The following IL34 variants were observed in gnomAD, a reference collection of about 807,000 sequenced individuals.
IL34 encodes interleukin 34, also known as interleukin-34.
IL34 carries 17 observed loss-of-function variants against 25.3 expected under a neutral mutation model. The ratio of observed to expected loss-of-function variants is 0.67; its 90% CI spans 0.46 to 1.01. IL34 has a LOEUF of 1.01. Among genes scored for constraint, IL34 ranks in the 50% least tolerant of loss-of-function variants. The pLI, the probability that IL34 is intolerant of heterozygous loss-of-function variation, is 0.00. For missense variants in IL34, 368 were observed against 312.9 expected, an observed-to-expected ratio of 1.18 and a Z score of -1.33; for synonymous variants, 174 against 140.9, an observed-to-expected ratio of 1.23 and a Z score of -1.66.
At chr16:70,657,613 A>G (rs933420654) in intron 4 of IL34, among the ~76,000 whole-genome samples, 1 of 152,090 alleles carries the variant, frequency 6.6e-6, no homozygotes, top group Admixed American at 6.6e-5. Flanking sequence ...CGTCTCTACT[A>G]AAAATACAAA....
At chr16:70,604,362 C>T (rs1364216659) in intron 1 of IL34, among the ~76,000 whole-genome samples, 1 of 152,140 alleles carries the variant, frequency 6.6e-6, no homozygotes. Flanking sequence ...CACCACTGGC[C>T]CCATCGAATT....
At chr16:70,597,029 A>G (rs148370508) in intron 1 of IL34, among the ~76,000 whole-genome samples, 166 of 152,252 alleles carry the variant, frequency 1.1e-3, no homozygotes, top group Non-Finnish European at 1.8e-3. Flanking sequence ...ACCTGTTTGT[A>G]TGTGGATCAC....
Position 70,624,736 on chromosome 16 carries a change from A to C in IL34, c.-400-21812A>C, listed in dbSNP as rs550195961. Among the ~76,000 whole-genome samples the C allele has an allele frequency of 4.1e-4, 63 of 152,152 alleles. 1 individual carries two copies. Among genetic ancestry groups the C allele is most frequent in the South Asian group, 1.2e-3 (6 of 4,826 alleles). Reference sequence around the variant, plus strand: ...AGGGCTAGTCACTGAACGAAACTATAAGCCAGACAGGGTGTGAGGAGGGGA... The same window carrying C: ...AGGGCTAGTCACTGAACGAAACTATCAGCCAGACAGGGTGTGAGGAGGGGA... On this transcript the variant is annotated intron_variant, in intron 1 of 6. Transcript: ENST00000429149.
At chr16:70,592,694 G>A (rs944110941) in intron 1 of IL34, among the ~76,000 whole-genome samples, 4 of 151,796 alleles carry the variant, frequency 2.6e-5, no homozygotes, top group South Asian at 2.1e-4. Context: ...TCACTCTGTC[G>A]TCCAGGCTGG....
chr16:70,588,962 T>C (rs1179860085), intron 1 of IL34, among the ~76,000 whole-genome samples: 3 of 151,986 alleles, frequency 2.0e-5, no homozygotes, highest in Admixed American at 6.6e-5. Context: ...GTTCTGGAAA[T>C]GGATGGTGGT....
At chr16:70,647,760 G>T (rs565405382) in intron 1 of IL34, among the ~76,000 whole-genome samples, 1 of 152,354 alleles carries the variant, frequency 6.6e-6, no homozygotes, top group South Asian at 2.1e-4. Flanking sequence ...GCCTGCGAGG[G>T]ATTGAAAGAA....
intron 1 of IL34, among the ~76,000 whole-genome samples, chr16:70,618,699 T>C (rs556261924): frequency 6.6e-6 from 1 of 152,206 alleles, no homozygotes; most frequent in African/African-American, 2.4e-5. Context: ...AAGGAATTGT[T>C]TTGTAGAAGG....
At chr16:70,653,771 C>G (rs957970786) in intron 1 of IL34, among the ~76,000 whole-genome samples, 10 of 152,084 alleles carry the variant, frequency 6.6e-5, no homozygotes, top group Admixed American at 5.2e-4. Context: ...TAGTTGCTGG[C>G]CTACTTCTGT....
At chr16:70,598,745 T>TA (rs1208473001) in intron 1 of IL34, among the ~76,000 whole-genome samples, 2 of 151,996 alleles carry the variant, frequency 1.3e-5, no homozygotes, top group African/African-American at 2.4e-5. Flanking sequence ...TCCATAAAAT[T>TA]AAAAAAAGAA....
intron 1 of IL34, among the ~76,000 whole-genome samples, chr16:70,593,835 A>AT (rs1232123959): frequency 6.6e-6 from 1 of 151,898 alleles, no homozygotes; most frequent in African/African-American, 2.4e-5. Context: ...CAATATCTAG[A>AT]TTTTTTTCTT....
intron 1 of IL34, among the ~76,000 whole-genome samples, chr16:70,626,747 G>A (rs1458808036): frequency 6.6e-6 from 1 of 152,058 alleles, no homozygotes; most frequent in African/African-American, 2.4e-5. Flanking sequence ...TTCAAATTTT[G>A]ATCCTTTTGG....
chr16:70,632,183 C>T (rs1024554013), intron 1 of IL34, among the ~76,000 whole-genome samples: 1 of 151,792 alleles, frequency 6.6e-6, no homozygotes, highest in African/African-American at 2.4e-5. Flanking sequence ...TTGAAAGTTC[C>T]TTGGGACATG....
chr16:70,624,397 T>A (rs34495668), intron 1 of IL34, among the ~76,000 whole-genome samples: 1 of 152,006 alleles, frequency 6.6e-6, no homozygotes, highest in African/African-American at 2.4e-5. Context: ...ACCTTGAAGG[T>A]GAGGTTAATT....
chr16:70,625,407 G>A (rs1423876726), intron 1 of IL34, among the ~76,000 whole-genome samples: 1 of 152,096 alleles, frequency 6.6e-6, no homozygotes, highest in African/African-American at 2.4e-5. Flanking sequence ...AGGGATTGGG[G>A]GTTCTTGCCC....
chr16:70,644,828 AAGG>A (rs769184162), upstream of IL34, among the ~76,000 whole-genome samples: 16 of 136,176 alleles, frequency 1.2e-4, no homozygotes, highest in Admixed American at 5.2e-4. Flanking sequence ...AGGGAGGAGG[AAGG>A]AGGAAGAGGA....
intron 1 of IL34, among the ~76,000 whole-genome samples, chr16:70,638,455 A>G (rs1207563571): frequency 1.3e-5 from 2 of 151,950 alleles, no homozygotes; most frequent in Admixed American, 6.6e-5. Context: ...ATAAAGAAAA[A>G]AGAAAAAAAG....
At chr16:70,592,945 G>A (rs886120644) in intron 1 of IL34, among the ~76,000 whole-genome samples, 4 of 152,132 alleles carry the variant, frequency 2.6e-5, no homozygotes, top group Non-Finnish European at 5.9e-5. Flanking sequence ...GAGCCACCGT[G>A]CCGGCCCTAT....
upstream of IL34, among the ~76,000 whole-genome samples, chr16:70,642,862 G>A (rs1182779003): frequency 6.8e-6 from 1 of 147,740 alleles, no homozygotes; most frequent in Non-Finnish European, 1.5e-5. Context: ...GAAATGTCCA[G>A]AATAGGCAAA....
intron 1 of IL34, among the ~76,000 whole-genome samples, chr16:70,602,582 GAT>G (rs1491157378): frequency 1.1e-5 from 1 of 92,912 alleles, no homozygotes; most frequent in African/African-American, 4.9e-5. Context: ...CTTTGGAATT[GAT>G]GTGTGTGTGT....
Sources: allele counts gnomAD v4.1 joint callset (sites outside exome capture counted in the v4.1 genomes callset), GRCh38; gene constraint gnomAD v4.1.1; transcripts MANE v1.5; gene names NCBI Gene and HGNC (gene_info 2026-07-23, HGNC 2026-07-21).